The following DENND2A variants were observed in gnomAD, a reference collection of about 807,000 sequenced individuals.
DENND2A encodes the protein DENN domain-containing protein 2A.
A neutral mutation model predicts 105.3 loss-of-function variants in DENND2A; 53 were observed. The observed-to-expected ratio is 0.50, with a 90% confidence interval of 0.40 to 0.63. The LOEUF (loss-of-function observed/expected upper bound fraction) is 0.63. Among genes scored for constraint, DENND2A ranks in the 30% least tolerant of loss-of-function variants. The pLI, the probability that DENND2A is intolerant of heterozygous loss-of-function variation, is 0.00. For synonymous variants in DENND2A, 522 were observed against 508.4 expected (o/e 1.03, Z -0.36); for missense variants, 1,138 against 1,279.6 (o/e 0.89, Z 1.69).
chr7:140,585,801 T>C, intron 4 of DENND2A, 91 bp from the exon 5 acceptor site: 3 of 1,570,206 alleles, frequency 1.9e-6, no homozygotes, highest in Non-Finnish European at 2.6e-6. Context: ...GCCTCTCCTG[T>C]GTCCATTCTT....
intron 6 of DENND2A, among the ~76,000 whole-genome samples, chr7:140,573,560 G>T (rs933954150): frequency 6.6e-6 from 1 of 152,126 alleles, no homozygotes; most frequent in Non-Finnish European, 1.5e-5. Flanking sequence ...TTAAAACCTT[G>T]TCTGGGATTA....
At chr7:140,588,885 T>A (rs1798896886) in intron 3 of DENND2A, among the ~76,000 whole-genome samples, 1 of 151,190 alleles carries the variant, frequency 6.6e-6, no homozygotes. Context: ...TGGGATTACA[T>A]GCATGTATCA....
intron 14 of DENND2A, among the ~76,000 whole-genome samples, chr7:140,541,002 G>C (rs1796636524): frequency 6.6e-6 from 1 of 152,166 alleles, no homozygotes; most frequent in African/African-American, 2.4e-5. Context: ...ACAGGCGTGA[G>C]CCACTGAGCC....
chr7:140,580,326 T>TATGCATGTATGC (rs1306980024), intron 5 of DENND2A, among the ~76,000 whole-genome samples: 1 of 152,142 alleles, frequency 6.6e-6, no homozygotes, highest in Non-Finnish European at 1.5e-5. Context: ...TGTATGCATG[T>TATGCATGTATGC]ATGTATGTAT....
intron 3 of DENND2A, among the ~76,000 whole-genome samples, chr7:140,595,916 G>A (rs1385434901): frequency 6.6e-6 from 1 of 152,214 alleles, no homozygotes; most frequent in Non-Finnish European, 1.5e-5. Flanking sequence ...GAGTGGCCAC[G>A]GCAGCTCTTC....
At chr7:140,578,902 A>G (rs956572393) in intron 5 of DENND2A, among the ~76,000 whole-genome samples, 1 of 152,220 alleles carries the variant, frequency 6.6e-6, no homozygotes, top group Non-Finnish European at 1.5e-5. Flanking sequence ...AGAAAGGCTT[A>G]CAAGGGCATT....
At chr7:140,586,593 T>G (rs769128866) in intron 4 of DENND2A, among the ~76,000 whole-genome samples, 7 of 151,930 alleles carry the variant, frequency 4.6e-5, no homozygotes, top group Non-Finnish European at 1.0e-4. Flanking sequence ...AGAAAAGAAA[T>G]GGAGGAAGGA....
chr7:140,622,120 G>C (rs972587309), intron 1 of DENND2A, among the ~76,000 whole-genome samples: 1 of 152,002 alleles, frequency 6.6e-6, no homozygotes, highest in South Asian at 2.1e-4. Context: ...ATTTTGTGCC[G>C]GGCGTGGTGG....
At chr7:140,551,775 T>C (rs10230408) in intron 12 of DENND2A, among the ~76,000 whole-genome samples, 1,766 of 152,320 alleles carry the variant, frequency 0.012, 41 homozygotes, top group African/African-American at 0.04. Flanking sequence ...AAGGACAATA[T>C]GCATTTTGGC....
At chr7:140,548,932 A>G (rs1797010032) in intron 12 of DENND2A, among the ~76,000 whole-genome samples, 1 of 151,894 alleles carries the variant, frequency 6.6e-6, no homozygotes, top group Non-Finnish European at 1.5e-5. Context: ...TAAATGTAAA[A>G]TACCAGCCGG....
Position 140,553,993 on chromosome 7 carries a change from C to T in DENND2A, c.2037+1643G>A, listed in dbSNP as rs201679863. Among the ~76,000 whole-genome samples, 5 of 152,228 alleles carry T rather than the reference C, an allele frequency of 3.3e-5. No homozygotes were observed. The South Asian group carries it at 6.2e-4, about 19-fold the overall frequency. On this transcript the variant is annotated intron_variant, in intron 12 of 19. Transcript: ENST00000496613. ...CTGTAATCCCAGCACTTAGGGAGGCCGAGGTGGGCGGATTACGAGGTCAGG... is the reference window on the plus strand; with the variant it reads ...CTGTAATCCCAGCACTTAGGGAGGCTGAGGTGGGCGGATTACGAGGTCAGG...
intron 12 of DENND2A, among the ~76,000 whole-genome samples, chr7:140,553,484 A>T (rs539402033): frequency 6.6e-6 from 1 of 152,262 alleles, no homozygotes; most frequent in Non-Finnish European, 1.5e-5. Context: ...GCAAAGAGGC[A>T]TTCCTTCCTC....
chr7:140,566,684 A>ATTTTG (rs1797847921), intron 9 of DENND2A, among the ~76,000 whole-genome samples: 1 of 113,250 alleles, frequency 8.8e-6, no homozygotes, highest in Non-Finnish European at 1.7e-5. Context: ...TGGCCATACT[A>ATTTTG]TTTTTTTTTT....
intron 5 of DENND2A, among the ~76,000 whole-genome samples, chr7:140,585,001 T>G (rs1358588740): frequency 6.6e-6 from 1 of 152,080 alleles, no homozygotes; most frequent in Non-Finnish European, 1.5e-5. Context: ...GAGTTCAAGA[T>G]TAGCATGGCC....
At chr7:140,625,863 T>C (rs1800504792) in intron 1 of DENND2A, among the ~76,000 whole-genome samples, 1 of 152,226 alleles carries the variant, frequency 6.6e-6, no homozygotes, top group Admixed American at 6.5e-5. Context: ...ATTTATACAT[T>C]TTTTATTGAA....
intron 5 of DENND2A, among the ~76,000 whole-genome samples, chr7:140,582,455 A>G (rs920474378): frequency 6.6e-6 from 1 of 152,228 alleles, no homozygotes; most frequent in African/African-American, 2.4e-5. Context: ...CAATGAAAAC[A>G]CCAACAACAC....
At chr7:140,551,744 C>A (rs898328407) in intron 12 of DENND2A, among the ~76,000 whole-genome samples, 5 of 152,226 alleles carry the variant, frequency 3.3e-5, no homozygotes, top group Non-Finnish European at 7.3e-5. Flanking sequence ...CTCTTCTTCT[C>A]CATGACTCCT....
chr7:140,635,629 C>G (rs1800897452), intron 1 of DENND2A, among the ~76,000 whole-genome samples: 1 of 152,172 alleles, frequency 6.6e-6, no homozygotes, highest in Non-Finnish European at 1.5e-5. Context: ...CCTAAGCTTG[C>G]TGCAAGGGTG....
rs181717037 is a variant in DENND2A at position 140,627,323 on chromosome 7, T to A, written c.-248+13181A>T. 7.9e-5 allele frequency among the ~76,000 whole-genome samples: 12 copies of A among 152,210 alleles called. No homozygotes were observed. The South Asian group carries it at 1.5e-3, about 18-fold the overall frequency. ...ACCTCCAGAGTTCAAGCAATTCTTG[T>A]GCCTCAGTCTCCCGAGTAGCTGGGA... On this transcript the variant is annotated intron_variant, in intron 1 of 19. Coordinates refer to ENST00000496613, the MANE Select transcript of DENND2A (RefSeq NM_015689.5).
Sources: gnomAD v4.1 joint callset for allele counts (sites outside exome capture counted in the v4.1 genomes callset) on GRCh38, gnomAD v4.1.1 for gene constraint, MANE v1.5 for transcripts, NCBI Gene and HGNC (gene_info 2026-07-23, HGNC 2026-07-21) for gene names.